Variants in EXOC2 observed in about 807,000 individuals in gnomAD.
EXOC2 encodes the protein SEC5-like 1.
EXOC2 carries 70 observed loss-of-function variants against 131.8 expected under a neutral mutation model. That is an observed-to-expected ratio of 0.53 (90% CI 0.44 to 0.65). The LOEUF is 0.65. EXOC2 is among the 30% of genes least tolerant of loss of function. The probability of loss-of-function intolerance (pLI) is 0.00; values close to 1 mark genes in which losing one functional copy is unlikely to be tolerated. For synonymous variants in EXOC2, 411 were observed against 398.4 expected, an observed-to-expected ratio of 1.03 and a Z score of -0.38; for missense variants, 923 against 1,108.6, an observed-to-expected ratio of 0.83 and a Z score of 2.38.
intron 26 of EXOC2, among the ~76,000 whole-genome samples, chr6:489,969 G>GTGGCT (rs914772543): frequency 2.0e-5 from 3 of 152,230 alleles, no homozygotes; most frequent in African/African-American, 7.2e-5. Context: ...TGTGGGACGG[G>GTGGCT]TGGCTTGGCG....
intron 1 of EXOC2, among the ~76,000 whole-genome samples, chr6:648,247 T>C (rs1408135340): frequency 6.6e-6 from 1 of 152,212 alleles, no homozygotes; most frequent in Non-Finnish European, 1.5e-5. Context: ...TACTACAAGA[T>C]AGTATGTTCT....
At chr6:489,081 G>A (rs749823447) in intron 26 of EXOC2, 43 bp from the exon 27 acceptor site, 4 of 1,585,832 alleles carry the variant, frequency 2.5e-6, no homozygotes, top group Non-Finnish European at 3.5e-6. Context: ...CCTTGCACAG[G>A]AGAACTGCTG....
chr6:672,191 T>C (rs1042734257), intron 1 of EXOC2, among the ~76,000 whole-genome samples: 8 of 152,222 alleles, frequency 5.3e-5, no homozygotes, highest in Non-Finnish European at 1.2e-4. Flanking sequence ...CACTGATTCT[T>C]TCCTCAGCTA....
chr6:504,182 G>A (rs910510430), intron 23 of EXOC2, among the ~76,000 whole-genome samples: 2 of 152,256 alleles, frequency 1.3e-5, no homozygotes, highest in African/African-American at 4.8e-5. Context: ...CGAACACTGA[G>A]AGGAGGCCCA....
At position 536,787 on chromosome 6, in the gene EXOC2, G is replaced by A. The variant is rs529015777; in HGVS notation, c.2239-4177C>T. Among the ~76,000 whole-genome samples, 2 of 152,274 alleles carry A rather than the reference G, an allele frequency of 1.3e-5. 1 individual carries two copies. Among genetic ancestry groups the A allele is most frequent in the South Asian group, 4.1e-4 (2 of 4,828 alleles). The stretch of plus-strand genomic sequence containing the variant: ...GCAGGTAAAGATTCTGACAACATAT[G>A]AAAGGCATTAAACATTTTAAAAGCT... On this transcript the variant is annotated intron_variant, in intron 22 of 27. Coordinates refer to ENST00000230449, the MANE Select transcript of EXOC2 (RefSeq NM_018303.6).
chr6:560,254 C>G (rs1046727952), intron 17 of EXOC2, among the ~76,000 whole-genome samples: 2 of 152,204 alleles, frequency 1.3e-5, no homozygotes, highest in African/African-American at 4.8e-5. Flanking sequence ...GTGTTCTGCT[C>G]CCTGTTTACA....
chr6:638,790 G>A (rs754654934), intron 1 of EXOC2, among the ~76,000 whole-genome samples: 5 of 152,126 alleles, frequency 3.3e-5, no homozygotes, highest in Non-Finnish European at 5.9e-5. Flanking sequence ...ATTAGCCGAC[G>A]TGGTGGTGCA....
intron 12 of EXOC2, among the ~76,000 whole-genome samples, chr6:575,205 G>C (rs535846952): frequency 4.6e-5 from 7 of 152,140 alleles, no homozygotes; most frequent in Non-Finnish European, 1.0e-4. Context: ...TGTGCCCCGA[G>C]AACACTCTTG....
intron 1 of EXOC2, among the ~76,000 whole-genome samples, chr6:692,595 A>G (rs1764984608): frequency 6.6e-6 from 1 of 152,264 alleles, no homozygotes; most frequent in South Asian, 2.1e-4. Context: ...CCAGAGCGGG[A>G]TGCACGCCTA....
intron 1 of EXOC2, chr6:656,048 GTCTGTT>G: frequency 8.0e-7 from 1 of 1,244,260 alleles, no homozygotes; most frequent in Non-Finnish European, 1.1e-6. Context: ...TTAACTCAGG[GTCTGTT>G]TTAGTTTTGA....
intron 22 of EXOC2, among the ~76,000 whole-genome samples, chr6:542,439 A>G (rs561044156): frequency 6.6e-6 from 1 of 152,308 alleles, no homozygotes; most frequent in South Asian, 2.1e-4. Context: ...TCGGGAATGG[A>G]GGAGGAGAGG....
chr6:544,658 T>C (rs1561838853), intron 22 of EXOC2, among the ~76,000 whole-genome samples: 1 of 152,178 alleles, frequency 6.6e-6, no homozygotes, highest in East Asian at 1.9e-4. Flanking sequence ...TCAAATGGTT[T>C]CCAACTTGAA....
intron 6 of EXOC2, among the ~76,000 whole-genome samples, chr6:612,551 A>G (rs1306179915): frequency 6.6e-6 from 1 of 152,264 alleles, no homozygotes; most frequent in Non-Finnish European, 1.5e-5. Context: ...ACTAAAGAAA[A>G]TAAACAAACA....
At chr6:656,690 C>T (rs1461966261) in intron 1 of EXOC2, 1 of 1,606,254 alleles carries the variant, frequency 6.2e-7, no homozygotes, top group Non-Finnish European at 8.5e-7. Context: ...GGGACAGGTG[C>T]TCCGCCGTCA....
intron 23 of EXOC2, among the ~76,000 whole-genome samples, chr6:516,693 C>T (rs1031522533): frequency 6.6e-6 from 1 of 152,196 alleles, no homozygotes; most frequent in Admixed American, 6.5e-5. Flanking sequence ...GTAGCATCTA[C>T]GCAAGTATCT....
At chr6:590,462 G>A (rs1017548949) in intron 11 of EXOC2, among the ~76,000 whole-genome samples, 4 of 152,042 alleles carry the variant, frequency 2.6e-5, no homozygotes, top group African/African-American at 4.8e-5. Flanking sequence ...AAGAAACAAC[G>A]GCGACCTCTC....
chr6:501,680 A>G (rs1446075358), intron 23 of EXOC2, among the ~76,000 whole-genome samples: 1 of 119,544 alleles, frequency 8.4e-6, no homozygotes, highest in African/African-American at 3.2e-5. Context: ...AAAGATATAT[A>G]TATCTATAAA....
At chr6:622,505 G>A (rs1354077306) in intron 4 of EXOC2, among the ~76,000 whole-genome samples, 3 of 152,144 alleles carry the variant, frequency 2.0e-5, no homozygotes, top group East Asian at 1.9e-4. Flanking sequence ...AGTTGCTAGC[G>A]TTAAGAGCTG....
intron 1 of EXOC2, among the ~76,000 whole-genome samples, chr6:638,918 G>A (rs1762227268): frequency 6.6e-6 from 1 of 151,644 alleles, no homozygotes; most frequent in Admixed American, 6.6e-5. Context: ...GACAGAGTGA[G>A]ACTCTATCTC....
Sources: allele counts gnomAD v4.1 joint callset (sites outside exome capture counted in the v4.1 genomes callset), GRCh38; gene constraint gnomAD v4.1.1; transcripts MANE v1.5; gene names NCBI Gene and HGNC (gene_info 2026-07-23, HGNC 2026-07-21).